The following RIT2 variants were observed in gnomAD, a reference collection of about 807,000 sequenced individuals.
The protein encoded by RIT2 is GTP-binding protein Rit2.
Under a neutral mutation model 23.7 loss-of-function variants are expected in RIT2, and 24 were observed. The observed-to-expected ratio is 1.01, with a 90% CI of 0.73 to 1.43. The LOEUF (loss-of-function observed/expected upper bound fraction) is 1.43. Among genes scored for constraint, RIT2 ranks in the 40% most tolerant of loss-of-function variants. The pLI, the probability that RIT2 is intolerant of heterozygous loss-of-function variation, is 0.00. For missense variants in RIT2, 236 were observed against 266.9 expected (o/e 0.88, Z 0.81); for synonymous variants, 107 against 91.1 (o/e 1.17, Z -0.99).
chr18:42,799,612 A>G (rs966962802), intron 4 of RIT2, among the ~76,000 whole-genome samples: 4 of 152,204 alleles, frequency 2.6e-5, no homozygotes, highest in South Asian at 2.1e-4. Flanking sequence ...CTTTTCTTCA[A>G]TGACCACTTT....
chr18:42,766,495 G>A (rs1337058170), intron 4 of RIT2, among the ~76,000 whole-genome samples: 4 of 152,218 alleles, frequency 2.6e-5, no homozygotes, highest in Non-Finnish European at 5.9e-5. Flanking sequence ...CATTCAAAAT[G>A]TGTCTTGGGT....
chr18:42,858,867 T>C (rs1254548021), intron 4 of RIT2, among the ~76,000 whole-genome samples: 1 of 152,226 alleles, frequency 6.6e-6, no homozygotes, highest in Non-Finnish European at 1.5e-5. Context: ...TCATCCATGT[T>C]GTACCATTTA....
intron 2 of RIT2, among the ~76,000 whole-genome samples, chr18:42,978,934 A>G (rs888248449): frequency 1.3e-5 from 2 of 152,158 alleles, no homozygotes; most frequent in African/African-American, 2.4e-5. Context: ...AAAGTAGCAC[A>G]TAAGACAGTG....
chr18:43,020,791 G>GA (rs1321672469), intron 2 of RIT2, among the ~76,000 whole-genome samples: 1 of 152,010 alleles, frequency 6.6e-6, no homozygotes, highest in Non-Finnish European at 1.5e-5. Flanking sequence ...AATGGTGCTG[G>GA]AAAAACTAGA....
chr18:42,850,461 G>C (rs893291539), intron 4 of RIT2, among the ~76,000 whole-genome samples: 2 of 152,208 alleles, frequency 1.3e-5, no homozygotes, highest in African/African-American at 4.8e-5. Context: ...TGATGACTGT[G>C]TTAATAGCCT....
In RIT2 at chr18:42,771,880, T is replaced by C. The variant is rs182388968; in HGVS notation, c.427-28160A>G. ...GGCAGTAATTAGAAATTTTGACACG[T>C]TGCCCTTTGCAACTTGTTTGATGGC... is the stretch of plus-strand genomic sequence containing the variant. On this transcript the variant is annotated intron_variant, in intron 4 of 4. Transcript: ENST00000326695. 1.6e-3 allele frequency among the ~76,000 whole-genome samples: 236 copies of C among 152,242 alleles called. 1 individual carries two copies. The highest frequency in any genetic ancestry group is 5.4e-3 in the African/African-American group (224 of 41,554).
At chr18:42,955,279 AG>A (rs1475019143) in intron 3 of RIT2, among the ~76,000 whole-genome samples, 1 of 152,218 alleles carries the variant, frequency 6.6e-6, no homozygotes, top group Non-Finnish European at 1.5e-5. Context: ...AGCAGACACC[AG>A]AGAGTCCAAG....
intron 1 of RIT2, among the ~76,000 whole-genome samples, chr18:43,054,292 A>G (rs1348944990): frequency 6.6e-6 from 1 of 152,130 alleles, no homozygotes; most frequent in Non-Finnish European, 1.5e-5. Context: ...AAAGAATTTA[A>G]GATGAGGTTA....
At chr18:43,107,894 T>A (rs1156979046) in intron 1 of RIT2, among the ~76,000 whole-genome samples, 1 of 151,864 alleles carries the variant, frequency 6.6e-6, no homozygotes, top group Admixed American at 6.6e-5. Flanking sequence ...CCGGGTGCAG[T>A]GGCTCACGCC....
intron 4 of RIT2, among the ~76,000 whole-genome samples, chr18:42,805,005 A>G (rs1905643136): frequency 6.6e-6 from 1 of 152,218 alleles, no homozygotes; most frequent in Admixed American, 6.5e-5. Context: ...AGCACAGCAA[A>G]AAGCAAAAGA....
At chr18:42,781,828 G>A (rs1913817807) in intron 4 of RIT2, among the ~76,000 whole-genome samples, 1 of 152,168 alleles carries the variant, frequency 6.6e-6, no homozygotes, top group South Asian at 2.1e-4. Flanking sequence ...TTCTATTACA[G>A]TTGTAAGCAA....
At chr18:42,872,391 A>T (rs1907642620) in intron 4 of RIT2, among the ~76,000 whole-genome samples, 1 of 152,204 alleles carries the variant, frequency 6.6e-6, no homozygotes, top group African/African-American at 2.4e-5. Context: ...CCACCTCATG[A>T]TGTCAAAATT....
At chr18:42,827,687 A>G (rs1316116250) in intron 4 of RIT2, among the ~76,000 whole-genome samples, 1 of 152,192 alleles carries the variant, frequency 6.6e-6, no homozygotes. Context: ...CAATAAACAT[A>G]TAAAGATGTT....
chr18:42,958,633 T>C (rs960592864), intron 3 of RIT2, among the ~76,000 whole-genome samples: 2 of 152,150 alleles, frequency 1.3e-5, no homozygotes, highest in Admixed American at 6.6e-5. Flanking sequence ...AATTTGATCA[T>C]GAAAAATACT....
At chr18:42,962,094 T>C (rs1568040614) in intron 3 of RIT2, among the ~76,000 whole-genome samples, 3 of 152,194 alleles carry the variant, frequency 2.0e-5, no homozygotes, top group Non-Finnish European at 4.4e-5. Flanking sequence ...CACCGGTAGC[T>C]ACGTAAGCAG....
intron 1 of RIT2, among the ~76,000 whole-genome samples, chr18:43,112,528 C>T (rs886938616): frequency 1.3e-5 from 2 of 152,094 alleles, no homozygotes; most frequent in Non-Finnish European, 2.9e-5. Flanking sequence ...TATTTTAAAT[C>T]TTGTGGGAAT....
chr18:42,995,707 C>T (rs1351919804), intron 2 of RIT2, among the ~76,000 whole-genome samples: 1 of 152,196 alleles, frequency 6.6e-6, no homozygotes, highest in Non-Finnish European at 1.5e-5. Context: ...ACTTTCCCTT[C>T]TCAGAATTCA....
intron 4 of RIT2, among the ~76,000 whole-genome samples, chr18:42,888,346 T>G (rs1908079119): frequency 6.6e-6 from 1 of 151,814 alleles, no homozygotes; most frequent in Non-Finnish European, 1.5e-5. Flanking sequence ...GTTTGGTTGG[T>G]TGGTTGTTTT....
chr18:43,092,813 A>G (rs972039406), intron 1 of RIT2, among the ~76,000 whole-genome samples: 1 of 152,048 alleles, frequency 6.6e-6, no homozygotes, highest in African/African-American at 2.4e-5. Context: ...GCAAGAAATC[A>G]TGGCTGAAAC....
Sources: gnomAD v4.1 joint callset for allele counts (sites outside exome capture counted in the v4.1 genomes callset) on GRCh38, gnomAD v4.1.1 for gene constraint, MANE v1.5 for transcripts, NCBI Gene and HGNC (gene_info 2026-07-23, HGNC 2026-07-21) for gene names.